CAPN1: variants seen among roughly 807,000 people sequenced by gnomAD.
CAPN1 encodes calpain 1.
A neutral mutation model predicts 105.2 loss-of-function variants in CAPN1; 77 were observed. The observed-to-expected ratio is 0.73, with a 90% confidence interval of 0.61 to 0.88. CAPN1 has a LOEUF of 0.88. Among genes scored for constraint, CAPN1 ranks in the 40% least tolerant of loss-of-function variants. CAPN1 has a pLI of 0.00. For missense variants in CAPN1, 833 were observed against 976.6 expected (o/e 0.85, Z 1.96); for synonymous variants, 355 against 388.8 (o/e 0.91, Z 1.02).
chr11:65,206,826 G>T lies in CAPN1; in HGVS notation c.1605+7G>T, dbSNP rs1248345979. 1 of 1,610,612 alleles carries T rather than the reference G, an allele frequency of 6.2e-7. No homozygotes were observed. Among genetic ancestry groups the T allele is most frequent in the African/African-American group, 1.3e-5 (1 of 74,928 alleles). On this transcript the variant is annotated splice_region_variant and intron_variant, in intron 14 of 21. Transcript: ENST00000279247. ...GGCCAATCTCCCCGATGAGGTGCGT[G>T]GTCCCACCCCACCAGGCCCCGTCCT...
intron 14 of CAPN1, 86 bp downstream of exon 14, chr11:65,206,905 G>A: frequency 7.7e-7 from 1 of 1,290,498 alleles, no homozygotes; most frequent in Non-Finnish European, 1.1e-6. Context: ...CCTGTCCCCT[G>A]AGTTCCTGCT....
In CAPN1 at chr11:65,186,352, G is replaced by T. The variant is rs375304662; in HGVS notation, c.759+14G>T. 6.2e-7 allele frequency: 1 copy of T among 1,601,330 alleles called. No homozygotes were observed. Among genetic ancestry groups the T allele is most frequent in the African/African-American group, 1.3e-5 (1 of 74,430 alleles). On this transcript the variant is annotated intron_variant, in intron 6 of 21. Coordinates refer to ENST00000279247, the MANE Select transcript of CAPN1 (RefSeq NM_005186.4). Reference sequence around the variant, plus strand: ...TGCTCCATAGACGTGAGTGTGCCCGGCCCCGATGCTTTGGTACCCTGGAAC... The same window carrying T: ...TGCTCCATAGACGTGAGTGTGCCCGTCCCCGATGCTTTGGTACCCTGGAAC...
chr11:65,203,818 C>T (rs1372176805), intron 10 of CAPN1, among the ~76,000 whole-genome samples: 1 of 152,118 alleles, frequency 6.6e-6, no homozygotes, highest in Admixed American at 6.5e-5. Context: ...ACATTCCCAC[C>T]GGCATCCTGT....
At chr11:65,184,870 G>T (rs1370935080) in intron 4 of CAPN1, among the ~76,000 whole-genome samples, 1 of 152,148 alleles carries the variant, frequency 6.6e-6, no homozygotes, top group Non-Finnish European at 1.5e-5. Context: ...TAAGTCTTCC[G>T]TGAAGAAGGC....
chr11:65,206,566 G>C lies in CAPN1; in HGVS notation c.1457G>C (p.Arg486Pro), dbSNP rs745866452. 6.8e-6 allele frequency: 11 copies of C among 1,613,348 alleles called. No individual in the cohort carries two copies. The Admixed American group carries it at 8.3e-5, about 12-fold the overall frequency. The change falls in exon 13 of 22, where the codon CGC becomes CCC. Residue 486 changes from arginine (R) to proline (P), a missense_variant. By Grantham distance (103) the Arg-to-Pro change is moderately radical. Transcript: ENST00000279247. The part of the protein sequence containing the change: ...QFINLREVST[R>P]FRLPPGEYVV... ...ATCAACCTGCGAGAGGTCAGCACCC[G>C]CTTCCGCCTGCCACCCGGGGAGTAT... is the stretch of plus-strand genomic sequence containing the variant.
In CAPN1 at chr11:65,188,407, C is replaced by A. The variant is rs762164872; in HGVS notation, c.930-7C>A. ...CACCAGCCCTGGCAGAGCCCTGCTC[C>A]TCACAGCTCCTCAGAGTGGAACAAC... On this transcript the variant is annotated splice_region_variant and splice_polypyrimidine_tract_variant and intron_variant, in intron 8 of 21. Coordinates refer to ENST00000279247, the MANE Select transcript of CAPN1 (RefSeq NM_005186.4). This position sits in a 1 kb window ranked among gnomAD's most constrained non-coding sequence, Gnocchi z 5.5. 3.7e-5 allele frequency: 60 copies of A among 1,607,756 alleles called. No homozygotes were observed. The highest frequency in any genetic ancestry group is 2.0e-5 in the Non-Finnish European group (24 of 1,177,228).
chr11:65,185,947 G>A lies in CAPN1; in HGVS notation c.487G>A (p.Val163Ile). The A allele has an allele frequency of 6.3e-7, 1 of 1,591,282 alleles. No homozygotes were observed. The highest frequency in any genetic ancestry group is 1.1e-5 in the South Asian group (1 of 87,518). The change falls in exon 5 of 22, where the codon GTC becomes ATC. Residue 163 changes from valine to isoleucine, a missense_variant. Physicochemically the swap from Val to Ile is conservative, Grantham distance 29 (BLOSUM62 3). Coordinates refer to ENST00000279247, the MANE Select transcript of CAPN1 (RefSeq NM_005186.4). ...LWQFGEWVDV[V>I]VDDLLPIKDG... is the part of the protein sequence containing the mutation. ...GCAATTTGGGGAGTGGGTGGACGTG[G>A]TCGTGGATGACCTGCTGCCCATCAA...
chr11:65,185,878 G>T (rs746559437), intron 4 of CAPN1, 39 bp from the exon 5 acceptor site: 4 of 1,556,890 alleles, frequency 2.6e-6, no homozygotes, highest in African/African-American at 1.4e-5. Flanking sequence ...AGGTCCGGGG[G>T]ATTCCAAAGC....
rs1047765076 is a variant in CAPN1, at chr11:65,202,438, A to ATTTG, written c.1166-2229_1166-2226dup. On this transcript the variant is annotated intron_variant, in intron 10 of 21. Transcript: ENST00000279247. ...ATATTACGATTTTATTTATTTATTT[A>ATTTG]TTTGTTTGTTTGTTTGTTTATTGAG... Among the ~76,000 whole-genome samples, 4 of 151,750 alleles carry ATTTG rather than the reference A, an allele frequency of 2.6e-5. No homozygotes were observed. In the East Asian group the frequency reaches 5.8e-4, roughly 22 times the overall value.
rs1565427330 is a variant in CAPN1, at chr11:65,211,689, A to T, written c.*403A>T. 2 of 229,954 alleles carry T rather than the reference A, an allele frequency of 8.7e-6. No individual in the cohort carries two copies. Among genetic ancestry groups the T allele is most frequent in the Non-Finnish European group, 1.8e-5 (2 of 113,046 alleles). The allele number at this position is 229,954 out of a possible 1,614,324, so 14.2% of individuals were successfully genotyped here. On this transcript the variant is annotated 3_prime_UTR_variant, in exon 22 of 22. Coordinates refer to ENST00000279247, the MANE Select transcript of CAPN1 (RefSeq NM_005186.4). ...TAAACTATAACCACTAGCTCGACAC[A>T]GTCTGCAGTCCAGGCGTGTGGAGCC...
Position 65,188,268 on chromosome 11 carries a change from C to T in CAPN1, c.930-146C>T, listed in dbSNP as rs558861007. On this transcript the variant is annotated intron_variant, in intron 8 of 21. Transcript: ENST00000279247. This position sits in a 1 kb window ranked among gnomAD's most constrained non-coding sequence, Gnocchi z 5.5. ...ATCAGACTGGCCCTGATGAGACCACCCCCTAGAAGCGGAACCTTGGCGCTT... is the reference window on the plus strand; with the variant it reads ...ATCAGACTGGCCCTGATGAGACCACTCCCTAGAAGCGGAACCTTGGCGCTT... The T allele has an allele frequency of 5.8e-5, 43 of 747,474 alleles. No individual in the cohort carries two copies. The highest frequency in any genetic ancestry group is 8.5e-5 in the Non-Finnish European group (39 of 457,460). 46.3% of individuals were successfully genotyped at this position (747,474 alleles called of 1,614,324 possible). A position where few individuals can be genotyped will look rare whatever the true frequency, so the allele number is the denominator to read the frequency against.
At chr11:65,204,884 T>C (rs768468909) in intron 11 of CAPN1, 26 bp downstream of exon 11, 6 of 1,583,228 alleles carry the variant, frequency 3.8e-6, no homozygotes, top group Non-Finnish European at 5.2e-6. Context: ...CACCGGTGGA[T>C]CTCACTGAGC....
chr11:65,206,524 C>T lies in CAPN1; in HGVS notation c.1415C>T (p.Ala472Val), dbSNP rs61736658. The T allele has an allele frequency of 1.7e-5, 27 of 1,613,322 alleles. No homozygotes were observed. Among genetic ancestry groups the T allele is most frequent in the Admixed American group, 5.0e-5 (3 of 60,012 alleles). ...TTCTTCCTGGCCAATGCGTCTCGGGCGCGCTCAGAGCAGTTCATCAACCTG... is the reference window on the plus strand; with the variant it reads ...TTCTTCCTGGCCAATGCGTCTCGGGTGCGCTCAGAGCAGTTCATCAACCTG... ...RDFFLANASR[A>V]RSEQFINLRE... The change falls in exon 13 of 22, where the codon GCG becomes GTG. Residue 472 changes from alanine (A) to valine (V), a missense_variant. Physicochemically the swap from Ala to Val is moderately conservative, Grantham distance 64. Coordinates refer to ENST00000279247, the MANE Select transcript of CAPN1 (RefSeq NM_005186.4).
chr11:65,193,644 CA>C (rs34729975), intron 10 of CAPN1, among the ~76,000 whole-genome samples: 147 of 58,774 alleles, frequency 2.5e-3, no homozygotes, highest in South Asian at 8.4e-3. Context: ...GACTCTGTCT[CA>C]AAAAAAAAAA....
chr11:65,203,960 T>C (rs1208857162), intron 10 of CAPN1, among the ~76,000 whole-genome samples: 2 of 152,126 alleles, frequency 1.3e-5, no homozygotes, highest in Non-Finnish European at 2.9e-5. Context: ...AGTTTACCGT[T>C]CTATCCCGCA....
At position 65,188,227 on chromosome 11, in the gene CAPN1, C is replaced by A; in HGVS notation, c.929+187C>A. ...CGTGCGGGCCCCTGTGCCCAGCCGTCGGGTGTGTGCAGGGCATCAGACTGG... is the reference window on the plus strand; with the variant it reads ...CGTGCGGGCCCCTGTGCCCAGCCGTAGGGTGTGTGCAGGGCATCAGACTGG... On this transcript the variant is annotated intron_variant, in intron 8 of 21. Transcript: ENST00000279247. This position sits in a 1 kb window ranked among gnomAD's most constrained non-coding sequence, Gnocchi z 5.5. 1.5e-6 allele frequency: 1 copy of A among 682,528 alleles called. No individual in the cohort carries two copies. The highest frequency in any genetic ancestry group is 2.5e-6 in the Non-Finnish European group (1 of 405,098). 42.3% of individuals were successfully genotyped at this position (682,528 alleles called of 1,614,324 possible).
chr11:65,182,354 G>A (rs933689363), intron 1 of CAPN1: 1 of 233,954 alleles, frequency 4.3e-6, no homozygotes, highest in African/African-American at 2.3e-5. Flanking sequence ...GGATCAAAGA[G>A]GCCTTCCCTG....
At position 65,210,513 on chromosome 11, in the gene CAPN1, TG is replaced by T; in HGVS notation, c.2059+67del. ...CGTCCCAAACGCGTCCCCCAGGAGC[TG>T]GGGGGAATGACAGATGGGTGAATTA... On this transcript the variant is annotated intron_variant, in intron 20 of 21. Coordinates refer to ENST00000279247, the MANE Select transcript of CAPN1 (RefSeq NM_005186.4). This position sits in a 1 kb window ranked among gnomAD's most constrained non-coding sequence, Gnocchi z 4.3. The T allele has an allele frequency of 1.1e-5, 11 of 1,003,018 alleles. No individual in the cohort carries two copies. Among genetic ancestry groups the T allele is most frequent in the Non-Finnish European group, 1.2e-5 (8 of 643,122 alleles). The allele number at this position is 1,003,018 out of a possible 1,614,324, so 62.1% of individuals were successfully genotyped here. A position where few individuals can be genotyped will look rare whatever the true frequency, so the allele number is the denominator to read the frequency against.
At chr11:65,199,773 A>G (rs1044293133) in intron 10 of CAPN1, among the ~76,000 whole-genome samples, 1 of 152,230 alleles carries the variant, frequency 6.6e-6, no homozygotes, top group Non-Finnish European at 1.5e-5. Context: ...GGATCTTTTC[A>G]AATCTGTTCA....
Sources: gnomAD v4.1 joint callset for allele counts (sites outside exome capture counted in the v4.1 genomes callset) on GRCh38, gnomAD v4.1.1 for gene constraint, Gnocchi (gnomAD v3.1) non-coding constraint, MANE v1.5 for transcripts, NCBI Gene and HGNC (gene_info 2026-07-23, HGNC 2026-07-21) for gene names.